CLASP1: variants seen among roughly 807,000 people sequenced by gnomAD.
CLASP1 encodes the protein CLIP-associating protein 1.
Under a neutral mutation model 192.3 loss-of-function variants are expected in CLASP1, and 38 were observed. The ratio of observed to expected loss-of-function variants is 0.20; its 90% CI spans 0.15 to 0.26. The LOEUF (loss-of-function observed/expected upper bound fraction) is 0.26. Among genes scored for constraint, CLASP1 ranks in the 10% least tolerant of loss-of-function variants. The pLI, the probability that CLASP1 is intolerant of heterozygous loss-of-function variation, is 1.00. For synonymous variants in CLASP1, 691 were observed against 712.8 expected (o/e 0.97, Z 0.49); for missense variants, 1,433 against 1,932.5 (o/e 0.74, Z 4.85).
At chr2:121,603,211 C>T (rs1435983997) in intron 2 of CLASP1, 2 of 146,410 alleles carry the variant, frequency 1.4e-5, no homozygotes, top group Non-Finnish European at 3.0e-5. Context: ...AACATCTCAA[C>T]AGAAAAAAAA....
chr2:121,616,448 A>AAAAAAAT (rs1559781719), intron 1 of CLASP1, among the ~76,000 whole-genome samples: 1 of 152,178 alleles, frequency 6.6e-6, no homozygotes, highest in Non-Finnish European at 1.5e-5. Context: ...ACTCTGTCTC[A>AAAAAAAT]AAAAAATAAA....
At chr2:121,441,813 T>C (rs2083399785) in intron 19 of CLASP1, among the ~76,000 whole-genome samples, 1 of 152,314 alleles carries the variant, frequency 6.6e-6, no homozygotes, top group East Asian at 1.9e-4. Flanking sequence ...TACTTCTATA[T>C]ATAGACATGC....
At chr2:121,340,726 G>A in exon 40 of CLASP1, 1 of 653,932 alleles carries the variant, frequency 1.5e-6, no homozygotes, top group Non-Finnish European at 2.7e-6. Flanking sequence ...AGCTGGAAGG[G>A]ACCAAAATAC....
chr2:121,518,604 A>G (rs1449424193), intron 6 of CLASP1, among the ~76,000 whole-genome samples: 2 of 152,154 alleles, frequency 1.3e-5, no homozygotes, highest in African/African-American at 4.8e-5. Context: ...GCGGTGGCTC[A>G]TGCCTGTAAT....
At chr2:121,559,092 G>A (rs984803955) in intron 2 of CLASP1, among the ~76,000 whole-genome samples, 2 of 152,210 alleles carry the variant, frequency 1.3e-5, no homozygotes, top group African/African-American at 4.8e-5. Flanking sequence ...GAAAGAAGGT[G>A]TGGACCACAC....
chr2:121,477,900 T>C (rs1354367868), intron 8 of CLASP1, among the ~76,000 whole-genome samples: 1 of 152,214 alleles, frequency 6.6e-6, no homozygotes, highest in Non-Finnish European at 1.5e-5. Context: ...GAAGGACTAT[T>C]GTCACTTTGG....
chr2:121,560,330 A>G (rs1010897282), intron 2 of CLASP1, among the ~76,000 whole-genome samples: 13 of 152,340 alleles, frequency 8.5e-5, no homozygotes, highest in African/African-American at 3.1e-4. Flanking sequence ...GCATTTCCTT[A>G]AAAACTTACA....
At chr2:121,531,253 C>G (rs72830810) in intron 2 of CLASP1, among the ~76,000 whole-genome samples, 1 of 152,152 alleles carries the variant, frequency 6.6e-6, no homozygotes, top group Non-Finnish European at 1.5e-5. Flanking sequence ...TAGTCTAGGT[C>G]AAGTTTCAAT....
At position 121,594,536 on chromosome 2, in the gene CLASP1, G is replaced by GCGCC. The variant is rs879518370; in HGVS notation, c.195+11164_195+11165insGGCG. Among the ~76,000 whole-genome samples the GCGCC allele has an allele frequency of 2.7e-3, 411 of 151,344 alleles. 2 individuals carry two copies. Among genetic ancestry groups the GCGCC allele is most frequent in the Middle Eastern group, 6.8e-3 (2 of 294 alleles). On this transcript the variant is annotated intron_variant, in intron 2 of 39. Coordinates refer to ENST00000263710, the Ensembl canonical transcript of CLASP1. The stretch of plus-strand genomic sequence containing the variant: ...GCCTCCCGAGTAGCTGGGACTACAG[G>GCGCC]CACCCGATACCACGCCCGGCTAATT...
intron 2 of CLASP1, among the ~76,000 whole-genome samples, chr2:121,566,882 T>G (rs1441237482): frequency 1.3e-5 from 2 of 152,202 alleles, no homozygotes; most frequent in Non-Finnish European, 2.9e-5. Context: ...CCTAGAAGCC[T>G]GCTCAAAAAC....
intron 16 of CLASP1, 87 bp from the exon 17 acceptor site, chr2:121,449,207 C>G: frequency 8.3e-7 from 1 of 1,211,692 alleles, no homozygotes; most frequent in Non-Finnish European, 1.2e-6. Context: ...AGAAGATTTT[C>G]AAGGACTGGA....
intron 8 of CLASP1, among the ~76,000 whole-genome samples, chr2:121,473,273 A>C (rs535340149): frequency 3.8e-4 from 58 of 152,316 alleles, no homozygotes; most frequent in African/African-American, 1.3e-3. Flanking sequence ...TAAAGAATCC[A>C]ATGGAACTTA....
At chr2:121,381,678 C>T (rs544944897) in intron 33 of CLASP1, among the ~76,000 whole-genome samples, 38 of 152,188 alleles carry the variant, frequency 2.5e-4, no homozygotes, top group Non-Finnish European at 4.4e-4. Context: ...AACAGTTATC[C>T]TGCCTCTTGG....
In CLASP1 at chr2:121,585,135, C is replaced by G. The variant is rs78491357; in HGVS notation, c.195+20566G>C. ...TTATCCAGTACCACACAGCTAGTGA[C>G]GGAAGGTCTAAAGGGAGGAGTGTGA... On this transcript the variant is annotated intron_variant, in intron 2 of 39. Transcript: ENST00000263710. 8.7e-3 allele frequency among the ~76,000 whole-genome samples: 1,332 copies of G among 152,268 alleles called. 13 individuals are homozygous for G. Among genetic ancestry groups the G allele is most frequent in the African/African-American group, 0.03 (1,249 of 41,548 alleles).
chr2:121,392,724 C>T (rs1268220547), intron 30 of CLASP1, among the ~76,000 whole-genome samples: 1 of 152,198 alleles, frequency 6.6e-6, no homozygotes, highest in Non-Finnish European at 1.5e-5. Flanking sequence ...GTAATATATA[C>T]TATTATCTTA....
chr2:121,496,119 C>T (rs1316019026), intron 8 of CLASP1, among the ~76,000 whole-genome samples: 1 of 152,232 alleles, frequency 6.6e-6, no homozygotes, highest in Non-Finnish European at 1.5e-5. Context: ...GGCATGTGGG[C>T]ACCCACACTC....
chr2:121,355,692 C>CA (rs1458759192), intron 37 of CLASP1, among the ~76,000 whole-genome samples: 1 of 152,070 alleles, frequency 6.6e-6, no homozygotes, highest in African/African-American at 2.4e-5. Flanking sequence ...ACATAAGAAG[C>CA]AAAGATTATA....
At chr2:121,450,496 T>C (rs1370030578) in intron 16 of CLASP1, among the ~76,000 whole-genome samples, 1 of 152,168 alleles carries the variant, frequency 6.6e-6, no homozygotes, top group African/African-American at 2.4e-5. Context: ...CCCCTTAATA[T>C]GATTCACACC....
At chr2:121,353,701 T>A (rs1056818133) in intron 37 of CLASP1, among the ~76,000 whole-genome samples, 9 of 152,218 alleles carry the variant, frequency 5.9e-5, no homozygotes, top group African/African-American at 2.2e-4. Flanking sequence ...ATCTTTCTAT[T>A]CCCATGACTG....
Sources: gnomAD v4.1 joint callset for allele counts (sites outside exome capture counted in the v4.1 genomes callset) on GRCh38, gnomAD v4.1.1 for gene constraint, MANE v1.5 for transcripts, NCBI Gene and HGNC (gene_info 2026-07-23, HGNC 2026-07-21) for gene names.